ARK2N: variants seen among roughly 807,000 people sequenced by gnomAD.
The protein encoded by ARK2N is protein ARK2N.
chr18:46,238,537 G>T, the ARK2N span, among the ~76,000 whole-genome samples: 3 of 152,038 alleles, frequency 2.0e-5, no homozygotes, highest in Non-Finnish European at 4.4e-5. Flanking sequence ...CCACACTGTT[G>T]AATTTTATGG....
At chr18:46,179,393 T>A in the ARK2N span, among the ~76,000 whole-genome samples, 1 of 152,196 alleles carries the variant, frequency 6.6e-6, no homozygotes, top group East Asian at 1.9e-4. Context: ...GTCATGATAC[T>A]CTTCTGAATC....
At chr18:46,211,783 G>A in the ARK2N span, among the ~76,000 whole-genome samples, 2 of 152,122 alleles carry the variant, frequency 1.3e-5, no homozygotes, top group Admixed American at 6.6e-5. Context: ...AAAATGTTGT[G>A]TATTTATTAC....
chr18:46,223,474 C>T, the ARK2N span, among the ~76,000 whole-genome samples: 1 of 152,134 alleles, frequency 6.6e-6, no homozygotes, highest in Non-Finnish European at 1.5e-5. Context: ...AATAGGTGGC[C>T]TGACTGATTT....
chr18:46,178,334 A>T, the ARK2N span, among the ~76,000 whole-genome samples: 1 of 152,096 alleles, frequency 6.6e-6, no homozygotes, highest in Non-Finnish European at 1.5e-5. Flanking sequence ...TTTTTTTGAG[A>T]CAGAGTCTCA....
chr18:46,211,646 A>G, the ARK2N span, among the ~76,000 whole-genome samples: 942 of 152,296 alleles, frequency 6.2e-3, 11 homozygotes, highest in African/African-American at 0.021. Flanking sequence ...GACGAGAGCC[A>G]AGGAATAATC....
the ARK2N span, among the ~76,000 whole-genome samples, chr18:46,220,014 C>T: frequency 6.6e-6 from 1 of 152,122 alleles, no homozygotes; most frequent in East Asian, 1.9e-4. Flanking sequence ...TGTACATGGT[C>T]AGTGGGGAAA....
the ARK2N span, chr18:46,240,091 G>A: frequency 1.2e-6 from 2 of 1,614,200 alleles, no homozygotes; most frequent in Non-Finnish European, 1.7e-6. Flanking sequence ...ATTGGCGGCT[G>A]CAGTAGTTCA....
the ARK2N span, among the ~76,000 whole-genome samples, chr18:46,227,572 T>C: frequency 6.6e-6 from 1 of 152,120 alleles, no homozygotes; most frequent in African/African-American, 2.4e-5. Flanking sequence ...TATAAATATA[T>C]ACATATGACT....
chr18:46,201,433 CT>C, the ARK2N span, among the ~76,000 whole-genome samples: 8 of 151,830 alleles, frequency 5.3e-5, no homozygotes, highest in African/African-American at 1.9e-4. Flanking sequence ...CCATTTTGGA[CT>C]TTTTTTTGTC....
the ARK2N span, among the ~76,000 whole-genome samples, chr18:46,183,173 T>A: frequency 6.6e-6 from 1 of 152,146 alleles, no homozygotes; most frequent in African/African-American, 2.4e-5. Context: ...AAGAGCCAAA[T>A]AAGGTCTCTG....
the ARK2N span, among the ~76,000 whole-genome samples, chr18:46,194,739 G>T: frequency 6.7e-6 from 1 of 149,254 alleles, no homozygotes; most frequent in Non-Finnish European, 1.5e-5. Context: ...CTCCCAAAGT[G>T]CTGGGATTAC....
the ARK2N span, among the ~76,000 whole-genome samples, chr18:46,241,277 A>AT: frequency 5.1e-4 from 77 of 151,960 alleles, no homozygotes; most frequent in Middle Eastern, 0.01. Context: ...TTTAGTTTTG[A>AT]TTTTTTTTGA....
At chr18:46,259,897 G>GTGTGTGTGTGTGTGTGTGTGTGTGTA in the ARK2N span, among the ~76,000 whole-genome samples, 1 of 137,206 alleles carries the variant, frequency 7.3e-6, no homozygotes, top group African/African-American at 2.6e-5. Context: ...GTGTGTGTGT[G>GTGTGTGTGTGTGTGTGTGTGTGTGTA]TGCGACAGAG....
the ARK2N span, chr18:46,174,151 G>GGGC: frequency 6.6e-6 from 1 of 152,496 alleles, no homozygotes; most frequent in African/African-American, 2.4e-5. Flanking sequence ...GTCCCGGCAG[G>GGGC]GGCTCTGACC....
the ARK2N span, among the ~76,000 whole-genome samples, chr18:46,222,354 T>A: frequency 6.6e-6 from 1 of 152,244 alleles, no homozygotes; most frequent in Non-Finnish European, 1.5e-5. Flanking sequence ...TAGTTATAAA[T>A]CACAGCACAG....
chr18:46,254,319 T>C, the ARK2N span, among the ~76,000 whole-genome samples: 2 of 152,224 alleles, frequency 1.3e-5, no homozygotes, highest in African/African-American at 4.8e-5. Flanking sequence ...ACAGAGTGTA[T>C]TTCCAGTAAT....
chr18:46,239,865 A>C, the ARK2N span: 1 of 764,996 alleles, frequency 1.3e-6, no homozygotes, highest in East Asian at 2.6e-5. Flanking sequence ...ATTTTGTACA[A>C]AATATTAGAT....
At chr18:46,245,943 A>G in the ARK2N span, among the ~76,000 whole-genome samples, 1 of 152,138 alleles carries the variant, frequency 6.6e-6, no homozygotes, top group Non-Finnish European at 1.5e-5. Flanking sequence ...AAAATTTAGA[A>G]TTTTCTCATA....
At chr18:46,190,944 C>T in the ARK2N span, among the ~76,000 whole-genome samples, 9 of 152,034 alleles carry the variant, frequency 5.9e-5, no homozygotes, top group African/African-American at 2.2e-4. Flanking sequence ...TTTTTTAAAG[C>T]AAAAGTGAGA....
Sources: allele counts gnomAD v4.1 joint callset (sites outside exome capture counted in the v4.1 genomes callset), GRCh38; gene constraint gnomAD v4.1.1; transcripts MANE v1.5; gene names NCBI Gene and HGNC (gene_info 2026-07-23, HGNC 2026-07-21).